MIB2: variants seen among roughly 807,000 people sequenced by gnomAD.
MIB2 encodes the protein MIB E3 ubiquitin protein ligase 2.
Under a neutral mutation model 96.6 loss-of-function variants are expected in MIB2, and 78 were observed. The ratio of observed to expected loss-of-function variants is 0.81; its 90% CI spans 0.67 to 0.97. The LOEUF (loss-of-function observed/expected upper bound fraction) is 0.97, where lower values mean the gene tolerates loss of function less well. Among genes scored for constraint, MIB2 ranks in the 50% least tolerant of loss-of-function variants. The probability of loss-of-function intolerance (pLI) is 0.00; values close to 1 mark genes in which losing one functional copy is unlikely to be tolerated. For missense variants in MIB2, 1,543 were observed against 1,424.0 expected, an observed-to-expected ratio of 1.08 and a Z score of -1.35; for synonymous variants, 820 against 629.5, an observed-to-expected ratio of 1.30 and a Z score of -4.53.
At position 1,625,834 on chromosome 1, in the gene MIB2, G is replaced by T; in HGVS notation, c.972+181G>T. On this transcript the variant is annotated intron_variant, in intron 8 of 19. Transcript: ENST00000355826. The surrounding 1 kb of genome is among the most constrained non-coding windows in gnomAD (Gnocchi z 5.0). ...GTGGGGTCAAGGAGAAGAGGGGGTTGGGTGTGAAGGAACCCAGAGGAGGGT... is the reference window on the plus strand; with the variant it reads ...GTGGGGTCAAGGAGAAGAGGGGGTTTGGTGTGAAGGAACCCAGAGGAGGGT... The T allele has an allele frequency of 1.7e-6, 1 of 602,224 alleles. No individual in the cohort carries two copies. 37.3% of individuals were successfully genotyped at this position (602,224 alleles called of 1,614,324 possible). A position where few individuals can be genotyped will look rare whatever the true frequency, so the allele number is the denominator to read the frequency against.
In MIB2 at chr1:1,617,535, C is replaced by T. The variant is rs1205440547; in HGVS notation, c.-23+921C>T. The T allele has an allele frequency of 2.6e-5, 4 of 152,200 alleles. No individual in the cohort carries two copies. The East Asian group carries it at 7.7e-4, about 29-fold the overall frequency. 9.4% of individuals were successfully genotyped at this position (152,200 alleles called of 1,614,324 possible). A position where few individuals can be genotyped will look rare whatever the true frequency, so the allele number is the denominator to read the frequency against. On this transcript the variant is annotated intron_variant, in intron 2 of 19. Transcript: ENST00000355826. ...AAGACGGTAAATGCTAAATGTGTGA[C>T]ACTGCCTTTAGAAACCATTTTCTCC...
upstream of MIB2, chr1:1,615,487 G>A (rs1178881443): frequency 1.3e-6 from 2 of 1,526,140 alleles, no homozygotes; most frequent in Admixed American, 4.0e-5. Context: ...GCGGGGGCGG[G>A]CCCTGGGCTC....
rs760444464 is a variant in MIB2, at chr1:1,623,590, G to A, written c.138G>A (p.Ser46=). The change falls in exon 3 of 20, where the codon TCG becomes TCA. Residue 46 remains serine (S), a synonymous_variant. Transcript: ENST00000355826. ...AGCTTGGCCGCCACGGCAGCCCCTC[G>A]ACACCCGACCGCACAGTGGTCGTGC... ...VVELGRHGSP[S]TPDRTVVVQW... 91 of 1,510,592 alleles carry A rather than the reference G, an allele frequency of 6.0e-5. No individual in the cohort carries two copies. Among genetic ancestry groups the A allele is most frequent in the Non-Finnish European group, 7.5e-5 (85 of 1,130,032 alleles). 93.6% of individuals were successfully genotyped at this position (1,510,592 alleles called of 1,614,324 possible). A position where few individuals can be genotyped will look rare whatever the true frequency, so the allele number is the denominator to read the frequency against.
intron 2 of MIB2, among the ~76,000 whole-genome samples, chr1:1,619,842 C>A (rs532158601): frequency 6.6e-6 from 1 of 152,312 alleles, no homozygotes; most frequent in Non-Finnish European, 1.5e-5. Flanking sequence ...GGTGGGCTTC[C>A]ATGAGGGACA....
At chr1:1,616,122 G>A in intron 1 of MIB2, 6 of 982,634 alleles carry the variant, frequency 6.1e-6, no homozygotes, top group Non-Finnish European at 7.2e-6. Context: ...CCCTGGCAAG[G>A]TCTGGCAGCG....
chr1:1,618,750 TG>T (rs1378955224), intron 2 of MIB2: 1 of 152,218 alleles, frequency 6.6e-6, no homozygotes, highest in African/African-American at 2.4e-5. Context: ...TCATGAACAA[TG>T]GGAATGGGGC....
intron 19 of MIB2, 124 bp downstream of exon 19, chr1:1,629,828 C>G (rs1638411126): frequency 9.0e-7 from 1 of 1,112,984 alleles, no homozygotes; most frequent in African/African-American, 1.7e-5. Context: ...ACCCCGCCCT[C>G]CCAAGGCTCA....
intron 1 of MIB2, 97 bp downstream of exon 1, chr1:1,615,730 C>T: frequency 6.7e-7 from 1 of 1,488,636 alleles, no homozygotes. Flanking sequence ...GTTCCCGCTC[C>T]CGCTGGCCCA....
At chr1:1,615,301 A>G (rs1460001490), upstream of MIB2, 1 of 1,363,532 alleles carries the variant, frequency 7.3e-7, no homozygotes, top group African/African-American at 1.5e-5. Flanking sequence ...CCCCGTCTCT[A>G]TGGCAACCGA....
At chr1:1,622,052 G>GGAGGGCTGGCCTGTGAGGCCCAGGCT (rs1644308477) in intron 2 of MIB2, among the ~76,000 whole-genome samples, 1 of 152,238 alleles carries the variant, frequency 6.6e-6, no homozygotes, top group Non-Finnish European at 1.5e-5. Context: ...CTGCCCAGGT[G>GGAGGGCTGGCCTGTGAGGCCCAGGCT]GAGGGCTGGC....
In MIB2 at chr1:1,630,566, T is replaced by A. The variant is rs754567048; in HGVS notation, c.*36T>A. Reference sequence around the variant, plus strand: ...CCGCCGCGCCCGAGCTGCCTTCGCGTGCCCCCGCCCTGTGTTTTATAAAAA... The same window carrying A: ...CCGCCGCGCCCGAGCTGCCTTCGCGAGCCCCCGCCCTGTGTTTTATAAAAA... On this transcript the variant is annotated 3_prime_UTR_variant, in exon 20 of 20. Coordinates refer to ENST00000355826, the MANE Select transcript of MIB2 (RefSeq NM_001170687.4). The A allele has an allele frequency of 2.7e-6, 4 of 1,457,300 alleles. No individual in the cohort carries two copies. Among genetic ancestry groups the A allele is most frequent in the East Asian group, 2.5e-5 (1 of 40,252 alleles). 90.3% of individuals were successfully genotyped at this position (1,457,300 alleles called of 1,614,324 possible).
intron 2 of MIB2, 104 bp downstream of exon 2, chr1:1,616,718 C>A: frequency 1.1e-6 from 1 of 879,988 alleles, no homozygotes; most frequent in Admixed American, 2.7e-5. Context: ...TCTGAGCATG[C>A]ATGCGAGTGG....
At chr1:1,614,226 G>A (rs1643409832), upstream of MIB2, 1 of 152,186 alleles carries the variant, frequency 6.6e-6, no homozygotes, top group Non-Finnish European at 1.5e-5. Flanking sequence ...AAATGGAGTC[G>A]GGAGGCCACG....
At position 1,625,096 on chromosome 1, in the gene MIB2, A is replaced by G; in HGVS notation, c.632A>G (p.Tyr211Cys). The G allele has an allele frequency of 6.2e-7, 1 of 1,613,336 alleles. No homozygotes were observed. The change falls in exon 6 of 20, where the codon TAC becomes TGC. Residue 211 changes from tyrosine (Y) to cysteine (C), a missense_variant. Transcript: ENST00000355826. The surrounding 1 kb of genome is among the most constrained non-coding windows in gnomAD (Gnocchi z 5.0). ...VTWADGTTNVYRVGHKGKVDL... is the reference protein window; with the variant it reads ...VTWADGTTNVCRVGHKGKVDL... ...TGGGCTGATGGTACCACCAATGTGT[A>G]CCGTGTGGGCCACAAGGGCAAGGTG...
intron 1 of MIB2, chr1:1,616,141 C>T (rs933905132): frequency 9.2e-6 from 9 of 976,054 alleles, no homozygotes; most frequent in Non-Finnish European, 1.1e-5. Context: ...CGGACAGGGC[C>T]GGGCGGCCTC....
chr1:1,622,441 G>C (rs116649553), intron 2 of MIB2, among the ~76,000 whole-genome samples: 1 of 152,340 alleles, frequency 6.6e-6, no homozygotes, highest in East Asian at 1.9e-4. Context: ...AGCTCTCGGG[G>C]GTCAGCGCCC....
chr1:1,629,094 C>A (rs898229682), intron 16 of MIB2, 39 bp from the exon 17 acceptor site: 5 of 1,405,388 alleles, frequency 3.6e-6, no homozygotes, highest in African/African-American at 3.0e-5. Context: ...CGGGCCTGCC[C>A]CGGCGCCCGC....
chr1:1,623,217 C>T (rs1284827653), intron 2 of MIB2: 4 of 770,114 alleles, frequency 5.2e-6, no homozygotes, highest in Non-Finnish European at 7.8e-6. Flanking sequence ...CCGCGCCAGG[C>T]TGGCACGGCG....
rs895690283 is a variant in MIB2, at chr1:1,626,417, G to C, written c.973-233G>C. The C allele has an allele frequency of 1.5e-5, 8 of 520,710 alleles. No individual in the cohort carries two copies. Among genetic ancestry groups the C allele is most frequent in the African/African-American group, 9.7e-5 (5 of 51,616 alleles). 32.3% of individuals were successfully genotyped at this position (520,710 alleles called of 1,614,324 possible). A position where few individuals can be genotyped will look rare whatever the true frequency, so the allele number is the denominator to read the frequency against. ...TCACACCTGCCCAGAGCTGGCTTCT[G>C]TCTGCCTGGACACTCCTCCCATGGC... On this transcript the variant is annotated intron_variant, in intron 8 of 19. Coordinates refer to ENST00000355826, the MANE Select transcript of MIB2 (RefSeq NM_001170687.4). The surrounding 1 kb of genome is among the most constrained non-coding windows in gnomAD (Gnocchi z 5.3).
Sources: allele counts gnomAD v4.1 joint callset (sites outside exome capture counted in the v4.1 genomes callset), GRCh38; gene constraint gnomAD v4.1.1; non-coding constraint Gnocchi (gnomAD v3.1); transcripts MANE v1.5; gene names NCBI Gene and HGNC (gene_info 2026-07-23, HGNC 2026-07-21).